Variants in ADGRL2 observed in about 807,000 individuals in gnomAD.
ADGRL2 encodes calcium-independent alpha-latrotoxin receptor 2.
A neutral mutation model predicts 157.4 loss-of-function variants in ADGRL2; 44 were observed. The ratio of observed to expected loss-of-function variants is 0.28; its 90% CI spans 0.22 to 0.36. The LOEUF (loss-of-function observed/expected upper bound fraction) is 0.36, where lower values mean the gene tolerates loss of function less well. ADGRL2 is among the 10% of genes least tolerant of loss of function. The pLI is 1.00. For missense variants in ADGRL2, 1,510 were observed against 1,768.9 expected (o/e 0.85, Z 2.63); for synonymous variants, 585 against 624.7 (o/e 0.94, Z 0.95).
chr1:81,966,029 C>T (rs1396535815), intron 11 of ADGRL2, 29 bp from the exon 12 acceptor site: 4 of 1,604,756 alleles, frequency 2.5e-6, no homozygotes, highest in South Asian at 1.1e-5. Context: ...CCTTTTTTCC[C>T]CACCTCCTTT....
chr1:81,562,578 A>G (rs2148458989), intron 2 of ADGRL2, among the ~76,000 whole-genome samples: 1 of 152,270 alleles, frequency 6.6e-6, no homozygotes, highest in Middle Eastern at 3.4e-3. Flanking sequence ...GCTGGAAAAT[A>G]TCAATTACAC....
chr1:81,989,790 G>C, intron 23 of ADGRL2: 1 of 1,530,242 alleles, frequency 6.5e-7, no homozygotes, highest in African/African-American at 1.4e-5. Flanking sequence ...AGAGATGGCT[G>C]TCTTTGTTTA....
chr1:81,870,537 T>C (rs1282625199), intron 2 of ADGRL2, among the ~76,000 whole-genome samples: 1 of 152,100 alleles, frequency 6.6e-6, no homozygotes, highest in Non-Finnish European at 1.5e-5. Flanking sequence ...CCCATAGTGA[T>C]AATCTAATTC....
At chr1:81,448,137 C>CTTTTTTT (rs1168945231) in intron 2 of ADGRL2, among the ~76,000 whole-genome samples, 159 of 83,510 alleles carry the variant, frequency 1.9e-3, no homozygotes, top group Non-Finnish European at 2.0e-3. Context: ...TTCTTTCTTT[C>CTTTTTTT]TTTTTTTTTT....
intron 2 of ADGRL2, among the ~76,000 whole-genome samples, chr1:81,477,100 T>C (rs2078287903): frequency 6.6e-6 from 1 of 152,186 alleles, no homozygotes; most frequent in Non-Finnish European, 1.5e-5. Flanking sequence ...CCATTGCCAC[T>C]AACCCACCCT....
At chr1:81,615,527 C>G (rs1333050446) in intron 3 of ADGRL2, among the ~76,000 whole-genome samples, 3 of 152,176 alleles carry the variant, frequency 2.0e-5, no homozygotes, top group Admixed American at 6.5e-5. Context: ...AAACTCCAGA[C>G]ACATCTGAAC....
Position 81,423,313 on chromosome 1 carries a change from A to G in ADGRL2, c.-301-21723A>G, listed in dbSNP as rs57207086. 2.7e-3 allele frequency among the ~76,000 whole-genome samples: 406 copies of G among 152,310 alleles called. 2 individuals are homozygous for G. Among genetic ancestry groups the G allele is most frequent in the African/African-American group, 9.3e-3 (387 of 41,564 alleles). ...ATTCAGGTCAAACTAAAGATAGCCA[A>G]ATATCATTTAGGGGCATTAGAGGGT... On this transcript the variant is annotated intron_variant, in intron 1 of 24. Transcript: ENST00000370721.
At chr1:81,865,022 T>TA (rs1553172735) in intron 2 of ADGRL2, among the ~76,000 whole-genome samples, 1 of 151,996 alleles carries the variant, frequency 6.6e-6, no homozygotes, top group Non-Finnish European at 1.5e-5. Flanking sequence ...AAAAAAACCT[T>TA]ACGGCTTCCA....
chr1:81,955,733 T>C (rs1405990505), intron 10 of ADGRL2, 144 bp from the exon 11 acceptor site: 2 of 534,250 alleles, frequency 3.7e-6, no homozygotes, highest in Non-Finnish European at 6.7e-6. Flanking sequence ...GGACCAGATA[T>C]ATGTTGTCTA....
chr1:81,624,032 G>A (rs1203876665), intron 3 of ADGRL2, among the ~76,000 whole-genome samples: 1 of 152,040 alleles, frequency 6.6e-6, no homozygotes, highest in Non-Finnish European at 1.5e-5. Context: ...GGCAAAGATT[G>A]GAGCAATGCA....
At chr1:81,683,398 G>A (rs911433665) in intron 3 of ADGRL2, among the ~76,000 whole-genome samples, 2 of 151,958 alleles carry the variant, frequency 1.3e-5, no homozygotes, top group African/African-American at 4.8e-5. Flanking sequence ...TCCATCAACC[G>A]AGCAGTATAC....
intron 3 of ADGRL2, among the ~76,000 whole-genome samples, chr1:81,637,159 T>C (rs1192549088): frequency 6.6e-6 from 1 of 152,164 alleles, no homozygotes; most frequent in East Asian, 1.9e-4. Context: ...TTTTTCAAGT[T>C]GGGAAGCACT....
At chr1:81,751,964 G>A (rs1022441871) in intron 1 of ADGRL2, among the ~76,000 whole-genome samples, 4 of 152,152 alleles carry the variant, frequency 2.6e-5, no homozygotes, top group African/African-American at 7.2e-5. Flanking sequence ...GGTTAGTTTA[G>A]AGAAAAGTCT....
intron 1 of ADGRL2, among the ~76,000 whole-genome samples, chr1:81,340,975 T>C (rs1662030204): frequency 1.3e-5 from 2 of 151,842 alleles, no homozygotes; most frequent in Non-Finnish European, 2.9e-5. Context: ...ACATCGTCAA[T>C]GGGCATGCAC....
At chr1:81,319,421 A>G (rs1401279831) in intron 1 of ADGRL2, among the ~76,000 whole-genome samples, 1 of 152,134 alleles carries the variant, frequency 6.6e-6, no homozygotes, top group African/African-American at 2.4e-5. Flanking sequence ...TTTTTTTTCA[A>G]CAGGGTGCAT....
intron 1 of ADGRL2, among the ~76,000 whole-genome samples, chr1:81,815,267 A>G (rs1383420383): frequency 6.6e-6 from 1 of 151,740 alleles, no homozygotes; most frequent in Non-Finnish European, 1.5e-5. Flanking sequence ...AGTTGTTAAT[A>G]CTCGTGTCAG....
chr1:81,725,855 C>T (rs549685738), intron 1 of ADGRL2, among the ~76,000 whole-genome samples: 9 of 152,176 alleles, frequency 5.9e-5, no homozygotes, highest in Middle Eastern at 3.4e-3. Context: ...ACATGGTGCA[C>T]GCCGGTAGTC....
chr1:81,991,156 A>G lies in ADGRL2; in HGVS notation c.*11A>G. ...GTTACAAGTCTTTAATCATACAGCT[A>G]AGGAATTCCAAGGGCCACATGCGAG... On this transcript the variant is annotated 3_prime_UTR_variant, in exon 24 of 24. Coordinates refer to ENST00000686636, the MANE Select transcript of ADGRL2 (RefSeq NM_001366006.2). The G allele has an allele frequency of 6.3e-7, 1 of 1,586,862 alleles. No individual in the cohort carries two copies. The highest frequency in any genetic ancestry group is 2.3e-5 in the East Asian group (1 of 44,414).
At chr1:81,884,772 C>A (rs1268753647) in intron 2 of ADGRL2, among the ~76,000 whole-genome samples, 2 of 152,100 alleles carry the variant, frequency 1.3e-5, no homozygotes, top group Non-Finnish European at 1.5e-5. Context: ...AGAATCATGA[C>A]CCTTCCTGCT....
Sources: gnomAD v4.1 joint callset for allele counts (sites outside exome capture counted in the v4.1 genomes callset) on GRCh38, gnomAD v4.1.1 for gene constraint, MANE v1.5 for transcripts, NCBI Gene and HGNC (gene_info 2026-07-23, HGNC 2026-07-21) for gene names.